MTCL2: variants seen among roughly 807,000 people sequenced by gnomAD.
The protein encoded by MTCL2 is microtubule crosslinking factor 2.
chr20:36,806,707 A>G, the MTCL2 span, among the ~76,000 whole-genome samples: 1 of 152,038 alleles, frequency 6.6e-6, no homozygotes, highest in Non-Finnish European at 1.5e-5. Context: ...TTTAGTAGAG[A>G]CAGGGTTTCA....
the MTCL2 span, chr20:36,816,046 C>T: frequency 6.2e-7 from 1 of 1,613,694 alleles, no homozygotes; most frequent in Non-Finnish European, 8.5e-7. Flanking sequence ...ACCTCCAGCT[C>T]CACGATGCGG....
At chr20:36,819,669 A>G in the MTCL2 span, among the ~76,000 whole-genome samples, 1 of 151,892 alleles carries the variant, frequency 6.6e-6, no homozygotes, top group Non-Finnish European at 1.5e-5. Context: ...AGACATCAGT[A>G]TTTTTCAAAT....
At chr20:36,824,806 T>C in the MTCL2 span, among the ~76,000 whole-genome samples, 1 of 151,836 alleles carries the variant, frequency 6.6e-6, no homozygotes, top group African/African-American at 2.4e-5. Context: ...GCTTGTGTCA[T>C]CAGGTCCAGC....
chr20:36,862,575 G>A, the MTCL2 span: 1 of 1,306,112 alleles, frequency 7.7e-7, no homozygotes, highest in Non-Finnish European at 1.0e-6. Flanking sequence ...CAGTGGGAAG[G>A]AGGGCCGGCT....
At chr20:36,862,644 C>A in the MTCL2 span, 1 of 1,491,208 alleles carries the variant, frequency 6.7e-7, no homozygotes, top group Non-Finnish European at 8.9e-7. Flanking sequence ...CCCTTTCTAC[C>A]CGGGCGCCCC....
At chr20:36,807,218 AG>A in the MTCL2 span, among the ~76,000 whole-genome samples, 23 of 152,212 alleles carry the variant, frequency 1.5e-4, no homozygotes, top group African/African-American at 5.5e-4. Context: ...GAGAATGATG[AG>A]CCCCACTGAG....
At chr20:36,803,083 C>T in the MTCL2 span, 2,571 of 1,608,226 alleles carry the variant, frequency 1.6e-3, 4 homozygotes, top group Non-Finnish European at 2.0e-3. Context: ...CGCTCCCCGG[C>T]CCCCTTCCCT....
At chr20:36,797,430 G>T in the MTCL2 span, 1 of 1,486,204 alleles carries the variant, frequency 6.7e-7, no homozygotes. Flanking sequence ...TTCCTCTCAT[G>T]TCCCCCACAA....
the MTCL2 span, chr20:36,803,081 G>A: frequency 2.0e-4 from 325 of 1,608,082 alleles, no homozygotes; most frequent in African/African-American, 3.5e-3. Context: ...CCCGCTCCCC[G>A]GCCCCCTTCC....
At chr20:36,808,619 T>C in the MTCL2 span, 3 of 1,612,322 alleles carry the variant, frequency 1.9e-6, no homozygotes, top group Non-Finnish European at 2.5e-6. Flanking sequence ...CTTGAATTGC[T>C]GGGACTCCTG....
At chr20:36,799,406 C>T in the MTCL2 span, among the ~76,000 whole-genome samples, 2 of 151,974 alleles carry the variant, frequency 1.3e-5, no homozygotes, top group East Asian at 1.9e-4. Flanking sequence ...GCAGGAGAAT[C>T]GTTTGAACGC....
chr20:36,861,387 T>C, the MTCL2 span, among the ~76,000 whole-genome samples: 1 of 152,272 alleles, frequency 6.6e-6, no homozygotes, highest in East Asian at 1.9e-4. Context: ...AAGGTGTCTC[T>C]TGATTCAGAC....
At chr20:36,797,805 C>A in the MTCL2 span, among the ~76,000 whole-genome samples, 1 of 152,182 alleles carries the variant, frequency 6.6e-6, no homozygotes, top group African/African-American at 2.4e-5. Flanking sequence ...TGTCATTATA[C>A]CTAATATAGT....
At chr20:36,858,463 A>AAC in the MTCL2 span, among the ~76,000 whole-genome samples, 60 of 25,732 alleles carry the variant, frequency 2.3e-3, 6 homozygotes, top group South Asian at 4.2e-3. Context: ...AAGGAGGGAA[A>AAC]ACACACACAC....
chr20:36,835,123 A>G, the MTCL2 span, among the ~76,000 whole-genome samples: 1 of 152,334 alleles, frequency 6.6e-6, no homozygotes, highest in Non-Finnish European at 1.5e-5. Flanking sequence ...GACTCATTTT[A>G]TCTCCATTTT....
At chr20:36,861,981 T>G in the MTCL2 span, among the ~76,000 whole-genome samples, 1 of 152,226 alleles carries the variant, frequency 6.6e-6, no homozygotes, top group African/African-American at 2.4e-5. Flanking sequence ...GGGGCTGTTG[T>G]GTGCACAAGG....
chr20:36,857,627 G>A, the MTCL2 span, among the ~76,000 whole-genome samples: 1 of 152,140 alleles, frequency 6.6e-6, no homozygotes, highest in Non-Finnish European at 1.5e-5. Context: ...GAGCTTTGCT[G>A]ACTGTGGTGA....
At chr20:36,793,159 C>A in the MTCL2 span, 1 of 1,416,238 alleles carries the variant, frequency 7.1e-7, no homozygotes, top group Non-Finnish European at 9.3e-7. This position sits in a 1 kb window ranked among gnomAD's most constrained non-coding sequence, Gnocchi z 6.8. Flanking sequence ...CCCACCTCGG[C>A]CCATATCTCT....
At chr20:36,797,504 C>G in the MTCL2 span, 1 of 1,553,738 alleles carries the variant, frequency 6.4e-7, no homozygotes, top group African/African-American at 1.4e-5. Flanking sequence ...CCACTCACCT[C>G]CTTCCAGCTG....
Sources: allele counts gnomAD v4.1 joint callset (sites outside exome capture counted in the v4.1 genomes callset), GRCh38; gene constraint gnomAD v4.1.1; non-coding constraint Gnocchi (gnomAD v3.1); transcripts MANE v1.5; gene names NCBI Gene and HGNC (gene_info 2026-07-23, HGNC 2026-07-21).